The following BRD4 variants were observed in gnomAD, a reference collection of about 807,000 sequenced individuals.
BRD4 encodes the protein bromodomain containing 4.
BRD4 carries 16 observed loss-of-function variants against 142.1 expected under a neutral mutation model. The ratio of observed to expected loss-of-function variants is 0.11; its 90% CI spans 0.08 to 0.17. BRD4 has a LOEUF of 0.17. Among genes scored for constraint, BRD4 ranks in the 10% least tolerant of loss-of-function variants. The pLI is 1.00. For missense variants in BRD4, 1,424 were observed against 1,810.9 expected, an observed-to-expected ratio of 0.79 and a Z score of 3.88; for synonymous variants, 833 against 707.5, an observed-to-expected ratio of 1.18 and a Z score of -2.82.
At chr19:15,314,603 A>G (rs912363849) in intron 1 of BRD4, among the ~76,000 whole-genome samples, 34 of 152,218 alleles carry the variant, frequency 2.2e-4, no homozygotes, top group Non-Finnish European at 2.9e-5. Flanking sequence ...TGCACATCCA[A>G]CCGCTTCAAT....
chr19:15,269,557 G>A lies in BRD4; in HGVS notation c.286-515C>T, dbSNP rs1357434425. On this transcript the variant is annotated intron_variant, in intron 2 of 19. Coordinates refer to ENST00000679869, the MANE Select transcript of BRD4 (RefSeq NM_001379291.1). Reference sequence around the variant, plus strand: ...CCTCCTTGTCACCATGAAGAGCTGCGGAGCATAAGTTTCCACCCCTAGTCA... The same window carrying A: ...CCTCCTTGTCACCATGAAGAGCTGCAGAGCATAAGTTTCCACCCCTAGTCA... 2.0e-5 allele frequency among the ~76,000 whole-genome samples: 3 copies of A among 152,080 alleles called. No individual in the cohort carries two copies. In the South Asian group the frequency reaches 6.2e-4, roughly 32 times the overall value.
intron 2 of BRD4, among the ~76,000 whole-genome samples, chr19:15,272,574 A>C (rs1156949413): frequency 6.6e-6 from 1 of 152,176 alleles, no homozygotes; most frequent in East Asian, 1.9e-4. Flanking sequence ...TTCAACCTCT[A>C]CACAATTTTC....
intron 7 of BRD4, among the ~76,000 whole-genome samples, chr19:15,259,150 G>A (rs113547226): frequency 0.012 from 1,762 of 152,292 alleles, 26 homozygotes; most frequent in African/African-American, 0.039. Context: ...ATGACTCCAA[G>A]AGGCAGCTGG....
rs377436210 is a variant in BRD4, at chr19:15,264,512, C to T, written c.1104G>A (p.Lys368=). 1.1e-5 allele frequency: 18 copies of T among 1,614,068 alleles called. No individual in the cohort carries two copies. Among genetic ancestry groups the T allele is most frequent in the Non-Finnish European group, 1.5e-5 (18 of 1,180,052 alleles). Residue 368 remains lysine, a synonymous_variant, in exon 6 of 20, where the codon AAG becomes AAA. Transcript: ENST00000679869. The stretch of plus-strand genomic sequence containing the variant: ...AGAAGGGCCAGGCGTAGGCGGCGTG[C>T]TTCTTGGCAAACATCTCCTTGAGGA... The part of the protein sequence containing the change: ...SGILKEMFAK[K]HAAYAWPFYK...
intron 4 of BRD4, 124 bp from the exon 5 acceptor site, chr19:15,265,767 G>C: frequency 9.6e-7 from 1 of 1,038,286 alleles, no homozygotes; most frequent in East Asian, 2.4e-5. Flanking sequence ...CCTGAGAGAC[G>C]AACATCCCAG....
intron 1 of BRD4, among the ~76,000 whole-genome samples, chr19:15,320,129 CTCT>C (rs1317639923): frequency 6.6e-6 from 1 of 152,138 alleles, no homozygotes; most frequent in African/African-American, 2.4e-5. Context: ...CTCCAGCCTC[CTCT>C]TAAGGAGTGA....
At position 15,272,668 on chromosome 19, in the gene BRD4, G is replaced by A. The variant is rs2047601109; in HGVS notation, c.285+147C>T. 5.8e-6 allele frequency: 4 copies of A among 692,688 alleles called. No individual in the cohort carries two copies. In the South Asian group the frequency reaches 7.9e-5, roughly 14 times the overall value. 42.9% of individuals were successfully genotyped at this position (692,688 alleles called of 1,614,324 possible). On this transcript the variant is annotated intron_variant, in intron 2 of 19. Coordinates refer to ENST00000679869, the MANE Select transcript of BRD4 (RefSeq NM_001379291.1). Reference sequence around the variant, plus strand: ...TCCCTGATTTCAACTGATCAGAACTGCTGAAACCACTCACTCAAGGGCCCT... The same window carrying A: ...TCCCTGATTTCAACTGATCAGAACTACTGAAACCACTCACTCAAGGGCCCT...
chr19:15,236,111 G>C lies in BRD4; in HGVS notation c.*2266C>G, dbSNP rs760308756. 9.8e-5 allele frequency: 15 copies of C among 152,338 alleles called. No homozygotes were observed. Among genetic ancestry groups the C allele is most frequent in the South Asian group, 2.1e-4 (1 of 4,822 alleles). 9.4% of individuals were successfully genotyped at this position (152,338 alleles called of 1,614,324 possible). A position where few individuals can be genotyped will look rare whatever the true frequency, so the allele number is the denominator to read the frequency against. On this transcript the variant is annotated 3_prime_UTR_variant, in exon 20 of 20. Transcript: ENST00000679869. The stretch of plus-strand genomic sequence containing the variant: ...TGCCTGAACCACACCCTCACAGGGA[G>C]GTTTGGCAGATCCAAAGACAATAAA...
chr19:15,283,030 G>A (rs1035551278), intron 1 of BRD4, among the ~76,000 whole-genome samples: 1 of 152,120 alleles, frequency 6.6e-6, no homozygotes, highest in African/African-American at 2.4e-5. Flanking sequence ...GTGAATTTAT[G>A]GATTAAAACC....
chr19:15,248,969 A>C, intron 11 of BRD4: 1 of 499,204 alleles, frequency 2.0e-6, no homozygotes, highest in South Asian at 2.4e-5. Context: ...GGGGATTGTC[A>C]TCACCCTCCA....
Position 15,243,176 on chromosome 19 carries a change from AGGGGTGGGGTGGGGGCGGCAGGG to A in BRD4, c.2870_2892del (p.Pro957LeufsTer128). 3.4e-5 allele frequency: 1 copy of A among 29,622 alleles called. No individual in the cohort carries two copies. Among genetic ancestry groups the A allele is most frequent in the Non-Finnish European group, 5.5e-5 (1 of 18,308 alleles). 1.8% of individuals were successfully genotyped at this position (29,622 alleles called of 1,614,324 possible). On this transcript the variant is annotated frameshift_variant, in exon 14 of 20. Transcript: ENST00000679869. LOFTEE classifies it high-confidence loss of function. ...TGCTGCTGCAGCTGCTGCTGCACAG[AGGGGTGGGGTGGGGGCGGCAGGG>A]GGGGTGGGGGCTGGGACTGCACCTT...
rs1485143165 is a variant in BRD4 at position 15,239,891 on chromosome 19, G to GC, written c.3282+18dup. 10 of 1,614,068 alleles carry GC rather than the reference G, an allele frequency of 6.2e-6. No individual in the cohort carries two copies. Among genetic ancestry groups the GC allele is most frequent in the Non-Finnish European group, 8.5e-6 (10 of 1,180,028 alleles). On this transcript the variant is annotated intron_variant, in intron 15 of 19. Coordinates refer to ENST00000679869, the MANE Select transcript of BRD4 (RefSeq NM_001379291.1). The surrounding 1 kb of genome is among the most constrained non-coding windows in gnomAD (Gnocchi z 7.4). ...CCCGGCCCTAGCCCACAGGACTATG[G>GC]CCCAGCCCTGCCAGTTACCTGTTTC...
intron 1 of BRD4, among the ~76,000 whole-genome samples, chr19:15,327,576 A>G (rs2048119834): frequency 6.6e-6 from 1 of 152,122 alleles, no homozygotes; most frequent in Admixed American, 6.6e-5. Context: ...AAAGTACACA[A>G]ATGTATTTTT....
intron 1 of BRD4, among the ~76,000 whole-genome samples, chr19:15,315,607 C>T (rs2048010129): frequency 6.6e-6 from 1 of 152,164 alleles, no homozygotes; most frequent in Non-Finnish European, 1.5e-5. Context: ...GTAATCCCAG[C>T]ATGTTGGGAG....
chr19:15,291,540 C>T (rs1014365081), intron 1 of BRD4, among the ~76,000 whole-genome samples: 2 of 152,204 alleles, frequency 1.3e-5, no homozygotes, highest in Admixed American at 6.5e-5. Flanking sequence ...GGTTCCTAAT[C>T]TCTTCTCATT....
chr19:15,260,175 C>A (rs2047454025), intron 7 of BRD4, among the ~76,000 whole-genome samples: 2 of 152,222 alleles, frequency 1.3e-5, no homozygotes, highest in East Asian at 3.8e-4. Flanking sequence ...AGTATCTCAG[C>A]TGTCAGGCTG....
At chr19:15,309,313 G>A (rs2047945459) in intron 1 of BRD4, among the ~76,000 whole-genome samples, 1 of 147,346 alleles carries the variant, frequency 6.8e-6, no homozygotes, top group Admixed American at 6.8e-5. Context: ...ACTCCAGCCT[G>A]GGCGACAGAG....
intron 1 of BRD4, among the ~76,000 whole-genome samples, chr19:15,319,037 T>C (rs1325298029): frequency 1.3e-5 from 2 of 152,174 alleles, no homozygotes; most frequent in Non-Finnish European, 2.9e-5. Context: ...AAAAGTAAGA[T>C]ACATGTGAAA....
chr19:15,296,747 C>T (rs543072785), intron 1 of BRD4, among the ~76,000 whole-genome samples: 18 of 152,192 alleles, frequency 1.2e-4, no homozygotes, highest in Non-Finnish European at 2.1e-4. Flanking sequence ...GTTGGAAAAT[C>T]CAGGGGCATA....
Sources: gnomAD v4.1 joint callset for allele counts (sites outside exome capture counted in the v4.1 genomes callset) on GRCh38, gnomAD v4.1.1 for gene constraint, Gnocchi (gnomAD v3.1) non-coding constraint, MANE v1.5 for transcripts, NCBI Gene and HGNC (gene_info 2026-07-23, HGNC 2026-07-21) for gene names.